The following MOXD1 variants were observed in gnomAD, a reference collection of about 807,000 sequenced individuals.
MOXD1 encodes DBH-like monooxygenase protein 1.
A neutral mutation model predicts 66.6 loss-of-function variants in MOXD1; 62 were observed. The ratio of observed to expected loss-of-function variants is 0.93; its 90% CI spans 0.76 to 1.15. The LOEUF (loss-of-function observed/expected upper bound fraction) is 1.15. MOXD1 is among the 50% of genes most tolerant of loss of function. The probability of loss-of-function intolerance (pLI) is 0.00; values close to 1 mark genes in which losing one functional copy is unlikely to be tolerated. For missense variants in MOXD1, 847 were observed against 754.6 expected (o/e 1.12, Z -1.44); for synonymous variants, 303 against 281.9 (o/e 1.07, Z -0.75).
chr6:132,395,314 C>A (rs1230011238), intron 1 of MOXD1, among the ~76,000 whole-genome samples: 1 of 151,870 alleles, frequency 6.6e-6, no homozygotes, highest in Admixed American at 6.6e-5. Flanking sequence ...AGTCCTACAC[C>A]CAAAAGTGAA....
At position 132,328,062 on chromosome 6, in the gene MOXD1, C is replaced by T. The variant is rs144409218; in HGVS notation, c.897G>A (p.Pro299=). The change falls in exon 6 of 12, where the codon CCG becomes CCA. Residue 299 remains proline, a synonymous_variant. Coordinates refer to ENST00000367963, the MANE Select transcript of MOXD1 (RefSeq NM_015529.4). ...AATGGACTTCTAGGAGCACATAATG[C>T]GGATCTAATGGAGTGCCAAGGGATA... is the stretch of plus-strand genomic sequence containing the variant. ...VGLSLGTPLD[P]HYVLLEVHYD... is the part of the protein sequence containing the mutation. 567 of 1,613,762 alleles carry T rather than the reference C, an allele frequency of 3.5e-4. 2 individuals carry two copies. The highest frequency in any genetic ancestry group is 4.7e-4 in the Admixed American group (28 of 59,994).
At chr6:132,386,425 A>G (rs1405621041) in intron 1 of MOXD1, among the ~76,000 whole-genome samples, 1 of 145,350 alleles carries the variant, frequency 6.9e-6, no homozygotes, top group Non-Finnish European at 1.5e-5. Context: ...AAACAAAACA[A>G]AACAAAACAA....
rs748193134 is a variant in MOXD1, at chr6:132,297,177, G to A, written c.1818C>T (p.Cys606=). ...ATCACAAGCTCTTGGTGCTCAGCGT[G>A]CAGCTGAGTAGCAGAAGGCAAACAA... The part of the protein sequence containing the change: ...NLLVCLLLLS[C]TLSTKSL The change falls in exon 12 of 12, where the codon TGC becomes TGT. Residue 606 remains cysteine (C), a synonymous_variant. Transcript: ENST00000367963. The A allele has an allele frequency of 6.2e-7, 1 of 1,613,436 alleles. No homozygotes were observed. Among genetic ancestry groups the A allele is most frequent in the South Asian group, 1.1e-5 (1 of 91,052 alleles).
intron 10 of MOXD1, among the ~76,000 whole-genome samples, chr6:132,313,876 C>T (rs567162346): frequency 1.3e-5 from 2 of 152,278 alleles, no homozygotes; most frequent in East Asian, 1.9e-4. Flanking sequence ...GATCGCGTCA[C>T]TGCACTCCAG....
intron 4 of MOXD1, among the ~76,000 whole-genome samples, chr6:132,345,702 T>A (rs1303689121): frequency 6.6e-6 from 1 of 152,182 alleles, no homozygotes; most frequent in Non-Finnish European, 1.5e-5. Context: ...GTATTTAGAG[T>A]AATAACTGAC....
intron 9 of MOXD1, among the ~76,000 whole-genome samples, chr6:132,317,375 C>T (rs1419509322): frequency 6.6e-6 from 1 of 152,112 alleles, no homozygotes; most frequent in Non-Finnish European, 1.5e-5. Flanking sequence ...TTTGATGCCT[C>T]AGTAAATATT....
chr6:132,308,090 GA>G (rs202147021), intron 10 of MOXD1, among the ~76,000 whole-genome samples: 34,896 of 136,432 alleles, frequency 0.26, 4,740 homozygotes, highest in African/African-American at 0.39. Context: ...GTGGTTTTTT[GA>G]AAAAAAAAAA....
chr6:132,362,730 T>C (rs1203586597), intron 4 of MOXD1, among the ~76,000 whole-genome samples: 1 of 152,176 alleles, frequency 6.6e-6, no homozygotes, highest in Non-Finnish European at 1.5e-5. Context: ...ACAGAAAGCT[T>C]TTGGCTTGCT....
intron 10 of MOXD1, among the ~76,000 whole-genome samples, chr6:132,302,939 TA>T (rs1484339220): frequency 2.6e-5 from 4 of 152,132 alleles, no homozygotes; most frequent in Non-Finnish European, 5.9e-5. Context: ...AATTCAATAG[TA>T]AAAAGGTAGT....
Position 132,364,290 on chromosome 6 carries a change from A to C in MOXD1, c.663+8318T>G. ...CAGGGAATCTTTTCTTCAAAATAAAATAGAGACTTACTGCCTACCATTGTT... is the reference window on the plus strand; with the variant it reads ...CAGGGAATCTTTTCTTCAAAATAAACTAGAGACTTACTGCCTACCATTGTT... On this transcript the variant is annotated intron_variant, in intron 4 of 11. Coordinates refer to ENST00000367963, the MANE Select transcript of MOXD1 (RefSeq NM_015529.4). Among the ~76,000 whole-genome samples, 2 of 152,154 alleles carry C rather than the reference A, an allele frequency of 1.3e-5. 1 individual carries two copies.
intron 10 of MOXD1, among the ~76,000 whole-genome samples, chr6:132,308,564 C>CA (rs946479162): frequency 4.6e-5 from 7 of 152,022 alleles, no homozygotes; most frequent in Admixed American, 2.0e-4. Flanking sequence ...AGAGACACAA[C>CA]AAAAAAAGAA....
intron 9 of MOXD1, among the ~76,000 whole-genome samples, chr6:132,319,118 C>G (rs1775020453): frequency 6.6e-6 from 1 of 151,766 alleles, no homozygotes; most frequent in Non-Finnish European, 1.5e-5. Context: ...TCAGTTTTGT[C>G]CTGCCTATTT....
intron 10 of MOXD1, among the ~76,000 whole-genome samples, chr6:132,303,704 T>TACACACACAC (rs772482923): frequency 0.18 from 24,353 of 134,594 alleles, 2,478 homozygotes; most frequent in East Asian, 0.29. Flanking sequence ...GCTGACTGTA[T>TACACACACAC]ACATACACAC....
At chr6:132,363,282 C>CT (rs1290744509) in intron 4 of MOXD1, among the ~76,000 whole-genome samples, 11 of 150,164 alleles carry the variant, frequency 7.3e-5, no homozygotes, top group Non-Finnish European at 1.3e-4. Flanking sequence ...TGTCTATTAC[C>CT]TTGGTTGGTG....
chr6:132,367,955 G>A (rs966420237), intron 4 of MOXD1, among the ~76,000 whole-genome samples: 4 of 152,006 alleles, frequency 2.6e-5, no homozygotes, highest in African/African-American at 9.7e-5. Context: ...AGAGGACTAA[G>A]GGATGATGAT....
chr6:132,330,978 C>T (rs1775304651), intron 4 of MOXD1, among the ~76,000 whole-genome samples: 1 of 152,148 alleles, frequency 6.6e-6, no homozygotes, highest in South Asian at 2.1e-4. Flanking sequence ...AAACATTGCA[C>T]ACGGTTTTGT....
chr6:132,333,721 T>C (rs1225716277), intron 4 of MOXD1, among the ~76,000 whole-genome samples: 1 of 152,182 alleles, frequency 6.6e-6, no homozygotes, highest in East Asian at 1.9e-4. Context: ...CACATTCTTG[T>C]ACAAAGGTGG....
intron 4 of MOXD1, among the ~76,000 whole-genome samples, chr6:132,342,127 C>G (rs1306966589): frequency 6.6e-6 from 1 of 152,110 alleles, no homozygotes; most frequent in South Asian, 2.1e-4. Flanking sequence ...CTCAGCCTCT[C>G]AAGTAGCTGG....
intron 10 of MOXD1, among the ~76,000 whole-genome samples, chr6:132,308,453 T>A (rs562684726): frequency 6.6e-6 from 1 of 152,330 alleles, no homozygotes; most frequent in East Asian, 1.9e-4. Flanking sequence ...AAAGAGGAAC[T>A]GTTACCATTC....
Sources: allele counts gnomAD v4.1 joint callset (sites outside exome capture counted in the v4.1 genomes callset), GRCh38; gene constraint gnomAD v4.1.1; transcripts MANE v1.5; gene names NCBI Gene and HGNC (gene_info 2026-07-23, HGNC 2026-07-21).